MTR: variants seen among roughly 807,000 people sequenced by gnomAD.
MTR encodes the protein 5-methyltetrahydrofolate-homocysteine methyltransferase, also known as methionine synthase.
In MTR, 84 loss-of-function variants were observed where a neutral mutation model predicts 154.8. The ratio of observed to expected loss-of-function variants is 0.54; its 90% confidence interval spans 0.45 to 0.65. MTR has a LOEUF of 0.65. Ranked by LOEUF, MTR falls within the 30% of genes least tolerant of loss-of-function variation. MTR has a pLI of 0.00. For missense variants in MTR, 1,275 were observed against 1,570.2 expected (o/e 0.81, Z 3.18); for synonymous variants, 554 against 553.9 (o/e 1.00, Z 0.00).
chr1:236,825,438 A>C, intron 10 of MTR, 39 bp downstream of exon 10: 1 of 1,523,874 alleles, frequency 6.6e-7, no homozygotes, highest in Non-Finnish European at 9.1e-7. Flanking sequence ...TAAGAGAGAC[A>C]GAAAGATTGA....
At chr1:236,885,369 G>A (rs183559968) in intron 26 of MTR, 150 bp downstream of exon 26, 1 of 647,290 alleles carries the variant, frequency 1.5e-6, no homozygotes, top group African/African-American at 1.8e-5. Context: ...CAAATCAGAG[G>A]TCTTCAGTGT....
chr1:236,813,608 A>G (rs910291207), intron 6 of MTR, among the ~76,000 whole-genome samples: 2 of 151,826 alleles, frequency 1.3e-5, no homozygotes, highest in Non-Finnish European at 2.9e-5. Context: ...TTTAATTTGT[A>G]TTTTTCTTAC....
At position 236,894,472 on chromosome 1, in the gene MTR, T is replaced by C; in HGVS notation, c.3320T>C (p.Val1107Ala). ...CTGTTTGCCGTTGCCTGCTTTGGGG[T>C]AGAAGAGCTGAGCAAGGCCTATGAG... ...LGLFAVACFG[V>A]EELSKAYEDD... The change falls in exon 30 of 33, where the codon GTA (valine) becomes GCA (alanine). Residue 1107 changes from valine (V) to alanine (A), a missense_variant. Physicochemically the swap from Val to Ala is moderately conservative, Grantham distance 64 (BLOSUM62 0). Transcript: ENST00000366577. 3.1e-6 allele frequency: 5 copies of C among 1,614,148 alleles called. No individual in the cohort carries two copies. Among genetic ancestry groups the C allele is most frequent in the Non-Finnish European group, 4.2e-6 (5 of 1,180,032 alleles).
chr1:236,862,091 GT>G (rs563519392), intron 20 of MTR, 144 bp from the exon 21 acceptor site: 772 of 749,204 alleles, frequency 1.0e-3, no homozygotes, highest in Non-Finnish European at 1.5e-3. Flanking sequence ...CTTATCCTTT[GT>G]TCTGCCTACT....
At chr1:236,878,898 G>T (rs1349307312) in intron 24 of MTR, among the ~76,000 whole-genome samples, 2 of 152,188 alleles carry the variant, frequency 1.3e-5, no homozygotes, top group East Asian at 3.8e-4. Context: ...CCAAAAGATG[G>T]CTCTTGACTC....
chr1:236,803,270 T>C (rs1480924833), intron 1 of MTR, among the ~76,000 whole-genome samples, 158 bp from the exon 2 acceptor site: 1 of 152,204 alleles, frequency 6.6e-6, no homozygotes, highest in African/African-American at 2.4e-5. Flanking sequence ...CTTAATGACC[T>C]TTTTGGGCAG....
chr1:236,875,938 G>A (rs1214217146), intron 24 of MTR, among the ~76,000 whole-genome samples: 1 of 152,160 alleles, frequency 6.6e-6, no homozygotes, highest in East Asian at 1.9e-4. Flanking sequence ...GATTTTTTGA[G>A]TCTAAAGGCA....
chr1:236,815,187 C>T (rs1661517432), intron 6 of MTR, among the ~76,000 whole-genome samples: 1 of 152,154 alleles, frequency 6.6e-6, no homozygotes, highest in South Asian at 2.1e-4. Flanking sequence ...ATTTTTGAGA[C>T]AGAGTCTTGT....
At chr1:236,824,381 C>T (rs1178390785) in intron 9 of MTR, among the ~76,000 whole-genome samples, 162 bp downstream of exon 9, 8 of 152,104 alleles carry the variant, frequency 5.3e-5, no homozygotes, top group African/African-American at 1.9e-4. Flanking sequence ...CCCTGTAGAC[C>T]TGAGGGAAGT....
At chr1:236,882,863 A>T (rs575204264) in intron 25 of MTR, among the ~76,000 whole-genome samples, 1 of 152,354 alleles carries the variant, frequency 6.6e-6, no homozygotes, top group South Asian at 2.1e-4. Context: ...CTAAAACATA[A>T]GTCAGATGAT....
chr1:236,833,513 C>A (rs1361578331), intron 13 of MTR, among the ~76,000 whole-genome samples: 1 of 152,140 alleles, frequency 6.6e-6, no homozygotes, highest in African/African-American at 2.4e-5. Flanking sequence ...TATTGTTGTA[C>A]AGCAAGTAAA....
chr1:236,816,766 A>C (rs1486989104), intron 8 of MTR, among the ~76,000 whole-genome samples: 3 of 152,190 alleles, frequency 2.0e-5, no homozygotes, highest in African/African-American at 7.2e-5. Flanking sequence ...CATACTTACA[A>C]ATGGTTGCCT....
chr1:236,844,636 G>C (rs765003785), intron 15 of MTR, among the ~76,000 whole-genome samples: 8 of 152,318 alleles, frequency 5.3e-5, no homozygotes, highest in Admixed American at 2.0e-4. Context: ...GGCAGTCACT[G>C]TGTGAGTGGA....
intron 15 of MTR, among the ~76,000 whole-genome samples, chr1:236,842,800 A>ATATATAT (rs1553317631): frequency 2.0e-5 from 3 of 149,908 alleles, no homozygotes; most frequent in Non-Finnish European, 3.0e-5. Context: ...ATATATATAT[A>ATATATAT]ATTGGCCAGG....
At chr1:236,888,181 A>C (rs1172314968) in intron 27 of MTR, among the ~76,000 whole-genome samples, 4 of 152,210 alleles carry the variant, frequency 2.6e-5, no homozygotes, top group African/African-American at 9.7e-5. Flanking sequence ...GATTGGTAGA[A>C]TAGGAAGTTC....
chr1:236,886,310 T>C lies in MTR; in HGVS notation c.2794T>C (p.Leu932=), dbSNP rs1666007335. 1.9e-6 allele frequency: 3 copies of C among 1,614,204 alleles called. No homozygotes were observed. In the African/African-American group the frequency reaches 4.0e-5, roughly 22 times the overall value. ...ESLKERRYLP[L]SQARKSGFQM... is the part of the protein sequence containing the mutation. ...TTAACAGGAGAGGAGATACTTACCC[T>C]TAAGTCAAGCCAGAAAAAGTGGTTT... The change falls in exon 27 of 33, where the codon TTA becomes CTA. Residue 932 remains leucine, a synonymous_variant. Transcript: ENST00000366577.
intron 25 of MTR, among the ~76,000 whole-genome samples, chr1:236,882,054 T>C (rs1027069246): frequency 6.6e-6 from 1 of 152,228 alleles, no homozygotes; most frequent in Non-Finnish European, 1.5e-5. Context: ...TAAAATTAAC[T>C]CAGTCTGGGA....
At chr1:236,872,060 T>TA (rs1035132658) in intron 22 of MTR, among the ~76,000 whole-genome samples, 1 of 152,182 alleles carries the variant, frequency 6.6e-6, no homozygotes, top group Non-Finnish European at 1.5e-5. Context: ...ATGAAATAAG[T>TA]AAAAATGCAT....
rs59525673 is a variant in MTR, at chr1:236,860,069, G to GCCCCCCCCCC, written c.2043+159_2043+168dup. 4.1e-5 allele frequency: 12 copies of GCCCCCCCCCC among 293,260 alleles called. 1 individual carries two copies. Among genetic ancestry groups the GCCCCCCCCCC allele is most frequent in the Admixed American group, 1.0e-4 (2 of 19,868 alleles). 18.2% of individuals were successfully genotyped at this position (293,260 alleles called of 1,614,324 possible). On this transcript the variant is annotated intron_variant, in intron 19 of 32. Transcript: ENST00000366577. ...AGGTCCCTCTTGCTGTCCCCCAGCTGCCCCCCCCCCCCCCCCCCCCCACCA... is the reference window on the plus strand; with the variant it reads ...AGGTCCCTCTTGCTGTCCCCCAGCTGCCCCCCCCCCCCCCCCCCCCCCCCCCCCCCCACCA...
Sources: gnomAD v4.1 joint callset for allele counts (sites outside exome capture counted in the v4.1 genomes callset) on GRCh38, gnomAD v4.1.1 for gene constraint, MANE v1.5 for transcripts, NCBI Gene and HGNC (gene_info 2026-07-23, HGNC 2026-07-21) for gene names.